The following ELOVL6 variants were observed in gnomAD, a reference collection of about 807,000 sequenced individuals.
ELOVL6 encodes the protein ELOVL fatty acid elongase 6.
In ELOVL6, 8 loss-of-function variants were observed where a neutral mutation model predicts 31.7. That is an observed-to-expected ratio of 0.25 (90% CI 0.15 to 0.45). The LOEUF (loss-of-function observed/expected upper bound fraction) is 0.45. ELOVL6 is among the 20% of genes least tolerant of loss of function. ELOVL6 has a pLI of 1.00. For synonymous variants in ELOVL6, 101 were observed against 117.7 expected, an observed-to-expected ratio of 0.86 and a Z score of 0.92; for missense variants, 126 against 326.4, an observed-to-expected ratio of 0.39 and a Z score of 4.73.
intron 3 of ELOVL6, among the ~76,000 whole-genome samples, chr4:110,055,043 G>T (rs1754941290): frequency 6.6e-6 from 1 of 152,130 alleles, no homozygotes; most frequent in South Asian, 2.1e-4. Flanking sequence ...CCCCCAGACT[G>T]CTGACCCAAA....
intron 2 of ELOVL6, among the ~76,000 whole-genome samples, chr4:110,100,093 G>A (rs1003839813): frequency 2.8e-4 from 42 of 152,172 alleles, no homozygotes; most frequent in Admixed American, 5.9e-4. Flanking sequence ...CTGTCCTTGG[G>A]TTAGGTGGGA....
At chr4:110,094,446 A>ATATATATAT (rs1756520771) in intron 2 of ELOVL6, among the ~76,000 whole-genome samples, 5 of 13,598 alleles carry the variant, frequency 3.7e-4, no homozygotes, top group Non-Finnish European at 7.4e-4. Flanking sequence ...TATATATAAT[A>ATATATATAT]TATATAACAT....
intron 1 of ELOVL6, among the ~76,000 whole-genome samples, chr4:110,196,723 A>G (rs1475977607): frequency 6.6e-6 from 1 of 151,742 alleles, no homozygotes; most frequent in African/African-American, 2.4e-5. Flanking sequence ...TTGGGCCCCT[A>G]GCCCACCGCC....
At chr4:110,137,149 A>C (rs546206102) in intron 1 of ELOVL6, among the ~76,000 whole-genome samples, 7 of 152,306 alleles carry the variant, frequency 4.6e-5, no homozygotes, top group African/African-American at 1.7e-4. Context: ...TAAATTAGAA[A>C]CTTAGAAAGC....
intron 2 of ELOVL6, among the ~76,000 whole-genome samples, chr4:110,079,220 C>T (rs1222226323): frequency 2.6e-5 from 4 of 152,170 alleles, no homozygotes; most frequent in Non-Finnish European, 5.9e-5. Flanking sequence ...GAATTGAACT[C>T]GGCTCTGCAC....
rs1358653027 is a variant in ELOVL6 at position 110,082,332 on chromosome 4, T to C, written c.222-22578A>G. Among the ~76,000 whole-genome samples the C allele has an allele frequency of 5.3e-4, 80 of 152,106 alleles. 2 individuals carry two copies. The East Asian group carries it at 8.9e-3, about 17-fold the overall frequency. On this transcript the variant is annotated intron_variant, in intron 2 of 3. Transcript: ENST00000302274. The stretch of plus-strand genomic sequence containing the variant: ...CGGCACTATTCACAATAGCAAAGAC[T>C]TGGAACCAACCCAAATGTCCAACAA...
rs910557652 is a variant in ELOVL6 at position 110,068,439 on chromosome 4, G to A, written c.222-8685C>T. ...TATGATCCCCCGATAAACATGAGATGAGAGTGCACTCTACGGCTGCTGTCT... is the reference window on the plus strand; with the variant it reads ...TATGATCCCCCGATAAACATGAGATAAGAGTGCACTCTACGGCTGCTGTCT... On this transcript the variant is annotated intron_variant, in intron 2 of 3. Transcript: ENST00000302274. Among the ~76,000 whole-genome samples, 6 of 152,308 alleles carry A rather than the reference G, an allele frequency of 3.9e-5. No individual in the cohort carries two copies. In the East Asian group the frequency reaches 1.2e-3, roughly 29 times the overall value.
chr4:110,084,043 C>G (rs201557554), intron 2 of ELOVL6, among the ~76,000 whole-genome samples: 10,363 of 24,802 alleles, frequency 0.42, 1,996 homozygotes, highest in African/African-American at 0.56. Context: ...TGGTATATAA[C>G]ACATGCTATA....
At chr4:110,084,227 T>TATATAAC (rs2048928798) in intron 2 of ELOVL6, among the ~76,000 whole-genome samples, 6 of 100,060 alleles carry the variant, frequency 6.0e-5, no homozygotes, top group African/African-American at 3.0e-4. Flanking sequence ...ACTTATATGA[T>TATATAAC]ATATATAACA....
intron 1 of ELOVL6, among the ~76,000 whole-genome samples, chr4:110,142,448 T>C (rs1327148720): frequency 6.6e-6 from 1 of 151,182 alleles, no homozygotes; most frequent in Non-Finnish European, 1.5e-5. Flanking sequence ...TAAAAATAAT[T>C]TATAAACATT....
intron 1 of ELOVL6, among the ~76,000 whole-genome samples, chr4:110,196,641 G>A (rs1408700801): frequency 6.6e-6 from 1 of 152,158 alleles, no homozygotes; most frequent in Admixed American, 6.5e-5. Context: ...CTGTGTGGCT[G>A]CTGCACTTCC....
intron 1 of ELOVL6, among the ~76,000 whole-genome samples, chr4:110,143,707 T>C (rs564515716): frequency 3.9e-5 from 6 of 152,136 alleles, no homozygotes; most frequent in Non-Finnish European, 8.8e-5. Flanking sequence ...AAGTTAGTTT[T>C]CCATCACAAA....
At chr4:110,114,323 C>G (rs1291761086) in intron 1 of ELOVL6, among the ~76,000 whole-genome samples, 1 of 152,066 alleles carries the variant, frequency 6.6e-6, no homozygotes, top group East Asian at 1.9e-4. Context: ...CTATGTCAGT[C>G]AAAGCTGTAG....
chr4:110,061,974 C>T (rs947761940), intron 2 of ELOVL6, among the ~76,000 whole-genome samples: 4 of 151,986 alleles, frequency 2.6e-5, no homozygotes, highest in Non-Finnish European at 4.4e-5. Flanking sequence ...AATTTATTCC[C>T]AATTTCTAAG....
intron 1 of ELOVL6, among the ~76,000 whole-genome samples, chr4:110,187,695 T>TG: frequency 7.7e-6 from 1 of 130,138 alleles, no homozygotes; most frequent in East Asian, 2.3e-4. Flanking sequence ...AAACTCCATC[T>TG]AAAAAAAAAA....
chr4:110,135,826 AAATAAAAAATTCT>A (rs768165846), intron 1 of ELOVL6, among the ~76,000 whole-genome samples: 1 of 152,204 alleles, frequency 6.6e-6, no homozygotes, highest in Non-Finnish European at 1.5e-5. Flanking sequence ...CAAAGGGTCA[AAATAAAAAATTCT>A]AGAAGAGAGA....
intron 1 of ELOVL6, among the ~76,000 whole-genome samples, chr4:110,110,105 A>C (rs1756990869): frequency 6.6e-6 from 1 of 152,220 alleles, no homozygotes; most frequent in Admixed American, 6.5e-5. Flanking sequence ...GTCCTCTTGC[A>C]GTTCAGTTGC....
intron 1 of ELOVL6, among the ~76,000 whole-genome samples, chr4:110,140,423 T>TATC (rs1226586020): frequency 6.6e-6 from 1 of 152,118 alleles, no homozygotes; most frequent in Non-Finnish European, 1.5e-5. Context: ...GTATTTTTGT[T>TATC]ATCATTATTA....
intron 2 of ELOVL6, among the ~76,000 whole-genome samples, chr4:110,094,443 AATAT>A (rs796117776): frequency 1.7e-5 from 1 of 59,402 alleles, no homozygotes; most frequent in African/African-American, 6.7e-5. Context: ...ATATATATAT[AATAT>A]ATATAACATA....
Sources: gnomAD v4.1 joint callset for allele counts (sites outside exome capture counted in the v4.1 genomes callset) on GRCh38, gnomAD v4.1.1 for gene constraint, MANE v1.5 for transcripts, NCBI Gene and HGNC (gene_info 2026-07-23, HGNC 2026-07-21) for gene names.